MYLK: variants seen among roughly 807,000 people sequenced by gnomAD.
The protein encoded by MYLK is myosin light chain kinase, smooth muscle.
A neutral mutation model predicts 203.4 loss-of-function variants in MYLK; 106 were observed. The ratio of observed to expected loss-of-function variants is 0.52; its 90% CI spans 0.45 to 0.61. The LOEUF is 0.61. Among genes scored for constraint, MYLK ranks in the 20% least tolerant of loss-of-function variants. MYLK has a pLI of 0.00. For synonymous variants in MYLK, 867 were observed against 959.5 expected, an observed-to-expected ratio of 0.90 and a Z score of 1.78; for missense variants, 2,072 against 2,442.3, an observed-to-expected ratio of 0.85 and a Z score of 3.20.
intron 33 of MYLK, chr3:123,617,708 C>T (rs534793883): frequency 6.6e-6 from 1 of 152,228 alleles, no homozygotes; most frequent in South Asian, 2.1e-4. Flanking sequence ...TGGGTGATAA[C>T]CCACCACCCT....
At chr3:123,701,178 G>A (rs1456443263) in intron 17 of MYLK, among the ~76,000 whole-genome samples, 173 bp from the exon 18 acceptor site, 9 of 143,464 alleles carry the variant, frequency 6.3e-5, no homozygotes, top group African/African-American at 1.0e-4. Context: ...AGAGGCGCTC[G>A]CTTGCTTAGT....
chr3:123,691,528 T>TA (rs1560078698), intron 19 of MYLK: 1 of 152,244 alleles, frequency 6.6e-6, no homozygotes, highest in Non-Finnish European at 1.5e-5. Flanking sequence ...TGTGTTTTTA[T>TA]AAAAAAGACT....
At chr3:123,684,239 G>A (rs1030041666) in intron 19 of MYLK, among the ~76,000 whole-genome samples, 5 of 152,166 alleles carry the variant, frequency 3.3e-5, no homozygotes, top group African/African-American at 4.8e-5. Flanking sequence ...GGTCTGGGTT[G>A]GGGTCTGGGC....
At chr3:123,675,471 CAG>C (rs1333910485) in intron 20 of MYLK, among the ~76,000 whole-genome samples, 1 of 152,150 alleles carries the variant, frequency 6.6e-6, no homozygotes, top group Non-Finnish European at 1.5e-5. Flanking sequence ...ATCAGCAGGG[CAG>C]AGAGACCAGA....
At chr3:123,737,265 T>G in intron 8 of MYLK, 113 bp downstream of exon 8, 1 of 1,313,570 alleles carries the variant, frequency 7.6e-7, no homozygotes, top group Non-Finnish European at 1.1e-6. Flanking sequence ...TGCCTGGGTG[T>G]GTGAGTGGGC....
chr3:123,758,925 G>C (rs932714362), intron 4 of MYLK, among the ~76,000 whole-genome samples: 5 of 152,020 alleles, frequency 3.3e-5, no homozygotes, highest in Admixed American at 6.6e-5. Flanking sequence ...CCTGGGCTCA[G>C]GTGATTCTCC....
intron 23 of MYLK, among the ~76,000 whole-genome samples, chr3:123,661,199 T>G (rs151080191): frequency 6.6e-6 from 1 of 151,214 alleles, no homozygotes. Flanking sequence ...AGGAGGGGAG[T>G]GCGTGGCACT....
In MYLK at chr3:123,612,160, TTC is replaced by T. The variant is rs2057262028; in HGVS notation, c.*1943_*1944del. ...ATATAAACAAGAACTTCCTAAATCA[TTC>T]TGTTCCATAGCAAAACACAACCACA... On this transcript the variant is annotated 3_prime_UTR_variant, in exon 34 of 34. Transcript: ENST00000360304. The T allele has an allele frequency of 6.5e-6, 1 of 152,700 alleles. No homozygotes were observed. Among genetic ancestry groups the T allele is most frequent in the African/African-American group, 2.4e-5 (1 of 41,476 alleles). The allele number at this position is 152,700 out of a possible 1,614,324, so 9.5% of individuals were successfully genotyped here.
At chr3:123,858,262 T>C (rs2031589222) in intron 2 of MYLK, among the ~76,000 whole-genome samples, 1 of 151,920 alleles carries the variant, frequency 6.6e-6, no homozygotes, top group Non-Finnish European at 1.5e-5. Flanking sequence ...GTCTCCAGAG[T>C]GGGAGAGGTC....
At chr3:123,707,095 C>CA (rs2061488313) in intron 16 of MYLK, among the ~76,000 whole-genome samples, 1 of 152,316 alleles carries the variant, frequency 6.6e-6, no homozygotes, top group Non-Finnish European at 1.5e-5. Flanking sequence ...GGGAAGCCAG[C>CA]TGCCATGCTA....
chr3:123,752,274 G>T, intron 5 of MYLK, 57 bp downstream of exon 5: 1 of 1,560,392 alleles, frequency 6.4e-7, no homozygotes, highest in East Asian at 2.2e-5. Context: ...GGAGCTGCAG[G>T]CCTTGGGGTA....
At chr3:123,641,238 C>T (rs559865632) in intron 27 of MYLK, among the ~76,000 whole-genome samples, 1 of 152,286 alleles carries the variant, frequency 6.6e-6, no homozygotes, top group East Asian at 1.9e-4. Flanking sequence ...GGGACTGCCC[C>T]GGGGTCTCAG....
chr3:123,848,466 A>G (rs2030329173), intron 2 of MYLK, among the ~76,000 whole-genome samples: 2 of 152,154 alleles, frequency 1.3e-5, no homozygotes, highest in South Asian at 4.1e-4. Flanking sequence ...GTTCCGTACT[A>G]ACATACCCTT....
chr3:123,866,806 G>T (rs1446281776), intron 2 of MYLK, among the ~76,000 whole-genome samples: 3 of 152,132 alleles, frequency 2.0e-5, no homozygotes, highest in Admixed American at 6.5e-5. Flanking sequence ...TACCTCTCCT[G>T]TTAGAATTAT....
intron 2 of MYLK, among the ~76,000 whole-genome samples, chr3:123,839,285 G>A (rs2066539436): frequency 6.6e-6 from 1 of 151,988 alleles, no homozygotes; most frequent in Admixed American, 6.6e-5. Flanking sequence ...AAAAAAGTAA[G>A]ACCCAGTTAT....
At chr3:123,772,676 T>C (rs111961042) in intron 4 of MYLK, among the ~76,000 whole-genome samples, 3 of 152,040 alleles carry the variant, frequency 2.0e-5, no homozygotes, top group African/African-American at 7.2e-5. Context: ...TATAAAAAGT[T>C]TGCATGACTA....
At chr3:123,839,344 T>C (rs751134382) in intron 2 of MYLK, among the ~76,000 whole-genome samples, 11 of 151,836 alleles carry the variant, frequency 7.2e-5, no homozygotes, top group Non-Finnish European at 1.6e-4. Context: ...CAGAAATGGG[T>C]TAAAAATAAA....
At position 123,672,207 on chromosome 3, in the gene MYLK, G is replaced by GGAGA. The variant is rs3085308; in HGVS notation, c.3653-5024_3653-5021dup. Among the ~76,000 whole-genome samples, 391 of 146,530 alleles carry GGAGA rather than the reference G, an allele frequency of 2.7e-3. 5 individuals are homozygous for GGAGA. Among genetic ancestry groups the GGAGA allele is most frequent in the African/African-American group, 7.6e-3 (302 of 39,616 alleles). The stretch of plus-strand genomic sequence containing the variant: ...AAGAAGAGAGACAGGGGCAGGGGGA[G>GGAGA]GAGAGAGAGAGAGAGAGAGAGAGAA... On this transcript the variant is annotated intron_variant, in intron 20 of 33. Transcript: ENST00000360304.
chr3:123,685,945 C>T (rs1217510897), intron 19 of MYLK, among the ~76,000 whole-genome samples: 2 of 152,174 alleles, frequency 1.3e-5, no homozygotes, highest in Admixed American at 1.3e-4. Flanking sequence ...CAGGGGGTGG[C>T]CGCGCTCCAC....
Sources: allele counts gnomAD v4.1 joint callset (sites outside exome capture counted in the v4.1 genomes callset), GRCh38; gene constraint gnomAD v4.1.1; transcripts MANE v1.5; gene names NCBI Gene and HGNC (gene_info 2026-07-23, HGNC 2026-07-21).